Variants in MARCO observed in about 807,000 individuals in gnomAD.
MARCO encodes the protein macrophage receptor with collagenous structure, also known as macrophage receptor MARCO.
A neutral mutation model predicts 70.0 loss-of-function variants in MARCO; 72 were observed. That is an observed-to-expected ratio of 1.03 (90% CI 0.85 to 1.25). The LOEUF (loss-of-function observed/expected upper bound fraction) is 1.25. MARCO is among the 50% of genes most tolerant of loss of function. The probability of loss-of-function intolerance (pLI) is 0.00; values close to 1 mark genes in which losing one functional copy is unlikely to be tolerated. For synonymous variants in MARCO, 273 were observed against 243.1 expected (o/e 1.12, Z -1.14); for missense variants, 696 against 659.3 (o/e 1.06, Z -0.61).
chr2:118,969,316 C>G, intron 2 of MARCO, 55 bp downstream of exon 2: 1 of 1,409,634 alleles, frequency 7.1e-7, no homozygotes, highest in South Asian at 1.2e-5. Context: ...GGTGACCCAG[C>G]TGGGCCCCTC....
In MARCO at chr2:118,977,460, C is replaced by T. The variant is rs750160664; in HGVS notation, c.614-11C>T. 6 of 1,611,672 alleles carry T rather than the reference C, an allele frequency of 3.7e-6. No homozygotes were observed. The African/African-American group carries it at 5.4e-5, about 14-fold the overall frequency. On this transcript the variant is annotated splice_polypyrimidine_tract_variant and intron_variant, in intron 6 of 16. Coordinates refer to ENST00000327097, the MANE Select transcript of MARCO (RefSeq NM_006770.4). ...GCCACAGCAACTGAGCTCTTTTTTC[C>T]TTCCTCACAGGCCTCCAAGGACCCC...
rs78053570 is a variant in MARCO, at chr2:118,945,203, C to T, written c.97+2806C>T. Among the ~76,000 whole-genome samples the T allele has an allele frequency of 9.4e-3, 1,436 of 152,090 alleles. 20 individuals carry two copies. The highest frequency in any genetic ancestry group is 0.033 in the African/African-American group (1,377 of 41,494). ...CAACAATGGAACATTTGGGCTTGAA[C>T]GAGAGGATTTACCTGTTGGCAATAT... On this transcript the variant is annotated intron_variant, in intron 1 of 16. Coordinates refer to ENST00000327097, the MANE Select transcript of MARCO (RefSeq NM_006770.4).
chr2:118,945,690 G>A (rs143391525), intron 1 of MARCO, among the ~76,000 whole-genome samples: 4 of 152,080 alleles, frequency 2.6e-5, no homozygotes, highest in African/African-American at 9.7e-5. Flanking sequence ...TGGAATTACA[G>A]GCATGAGCCA....
In MARCO at chr2:118,990,275, A is replaced by T. The variant is rs150080989; in HGVS notation, c.1064-314A>T. Among the ~76,000 whole-genome samples, 54 of 152,324 alleles carry T rather than the reference A, an allele frequency of 3.5e-4. No homozygotes were observed. In the East Asian group the frequency reaches 5.6e-3, roughly 16 times the overall value. On this transcript the variant is annotated intron_variant, in intron 12 of 16. Transcript: ENST00000327097. ...TCTCTTCCAATATAAATGCAACAGC[A>T]GGGAATGGGATTGGATTTAGATGCC...
In MARCO at chr2:118,969,249, C is replaced by A; in HGVS notation, c.187C>A (p.Leu63Met). The change falls in exon 2 of 17, where the codon CTG (leucine) becomes ATG (methionine). Residue 63 changes from leucine to methionine, a missense_variant. Physicochemically the swap from Leu to Met is conservative, Grantham distance 15. Around this residue, in one of 3 missense-constraint regions of MARCO, gnomAD observed 605 missense variants for 537.6 expected, o/e 1.13. Transcript: ENST00000327097. ...LILLTAGAGLLVVQVLNLQAR... is the reference protein window; with the variant it reads ...LILLTAGAGLMVVQVLNLQAR... ...CCTGCTCACCGCTGGCGCTGGGCTG[C>A]TGGTGGTCCAAGGTAAAGCAGGCTT... The A allele has an allele frequency of 6.2e-7, 1 of 1,613,984 alleles. No individual in the cohort carries two copies. Among genetic ancestry groups the A allele is most frequent in the Non-Finnish European group, 8.5e-7 (1 of 1,179,844 alleles).
At chr2:118,974,893 C>A (rs752264275) in intron 6 of MARCO, among the ~76,000 whole-genome samples, 9 of 152,154 alleles carry the variant, frequency 5.9e-5, no homozygotes, top group African/African-American at 2.2e-4. Context: ...CCTCCTTGGT[C>A]CAACAAGGAC....
chr2:118,972,811 T>C (rs527665654), intron 4 of MARCO, among the ~76,000 whole-genome samples: 8 of 152,230 alleles, frequency 5.3e-5, no homozygotes, highest in Non-Finnish European at 8.8e-5. Flanking sequence ...TCAATTGCTT[T>C]TGCTGACAGA....
At chr2:118,994,305 G>A in intron 16 of MARCO, 82 bp from the exon 17 acceptor site, 1 of 1,512,110 alleles carries the variant, frequency 6.6e-7, no homozygotes, top group Admixed American at 1.7e-5. Flanking sequence ...TCAGATGGAA[G>A]CTCCCAGGCG....
intron 15 of MARCO, 84 bp downstream of exon 15, chr2:118,992,560 T>C (rs1187196730): frequency 8.4e-7 from 1 of 1,193,306 alleles, no homozygotes; most frequent in African/African-American, 1.5e-5. Flanking sequence ...GGAAGAGACC[T>C]TGGTTCTCAA....
rs115023650 is a variant in MARCO at position 118,989,355 on chromosome 2, T to C, written c.1064-1234T>C. 5.9e-3 allele frequency among the ~76,000 whole-genome samples: 906 copies of C among 152,274 alleles called. 11 individuals carry two copies. The highest frequency in any genetic ancestry group is 0.021 in the African/African-American group (867 of 41,534). On this transcript the variant is annotated intron_variant, in intron 12 of 16. Coordinates refer to ENST00000327097, the MANE Select transcript of MARCO (RefSeq NM_006770.4). ...CCTATCCCAACCTCAGTTCTGTCCC[T>C]TTCCCTAACACGAGGAACAGAAGTA...
Position 118,970,208 on chromosome 2 carries a change from G to A in MARCO, c.294G>A (p.Gln98=). 6.2e-7 allele frequency: 1 copy of A among 1,614,106 alleles called. No individual in the cohort carries two copies. The highest frequency in any genetic ancestry group is 8.5e-7 in the Non-Finnish European group (1 of 1,180,020). The change falls in exon 3 of 17, where the codon CAG becomes CAA. Residue 98 remains glutamine (Q), a synonymous_variant. Coordinates refer to ENST00000327097, the MANE Select transcript of MARCO (RefSeq NM_006770.4). ...AEDSPSFSLL[Q]SAHPGEHLAQ... ...ACAGCCCGTCCTTCTCCTTGCTGCA[G>A]TCAGCACACCCTGGAGAACACCTGG...
chr2:118,993,419 A>G (rs1188608484), intron 16 of MARCO, 119 bp downstream of exon 16: 2 of 1,002,600 alleles, frequency 2.0e-6, no homozygotes, highest in Admixed American at 2.4e-5. Context: ...ATATTGGTCC[A>G]AGCAACCAAA....
intron 1 of MARCO, among the ~76,000 whole-genome samples, chr2:118,947,437 A>C: frequency 6.6e-6 from 1 of 152,168 alleles, no homozygotes; most frequent in East Asian, 1.9e-4. Flanking sequence ...CAGCCTCCCA[A>C]GTAGCTGGGA....
intron 2 of MARCO, 44 bp from the exon 3 acceptor site, chr2:118,970,070 C>A: frequency 6.6e-7 from 1 of 1,510,006 alleles, no homozygotes; most frequent in South Asian, 1.1e-5. Flanking sequence ...GGGATATGCT[C>A]AAATGCCTCA....
In MARCO at chr2:118,991,850, C is replaced by T. The variant is rs2104614167; in HGVS notation, c.1182C>T (p.Gly394=). Residue 394 remains glycine, a synonymous_variant, in exon 14 of 17, where the codon GGC becomes GGT. Coordinates refer to ENST00000327097, the MANE Select transcript of MARCO (RefSeq NM_006770.4). ...CCAAGGGAGCCCCTGGACAAGCTGG[C>T]CAGAAGGGAGACCAGGGAGTGAAAG... is the stretch of plus-strand genomic sequence containing the variant. ...AGPKGAPGQA[G]QKGDQGVKGS... 2.5e-6 allele frequency: 4 copies of T among 1,599,570 alleles called. No individual in the cohort carries two copies. In the East Asian group the frequency reaches 9.0e-5, roughly 36 times the overall value.
At chr2:118,981,013 G>A (rs747979635) in intron 8 of MARCO, among the ~76,000 whole-genome samples, 1 of 152,190 alleles carries the variant, frequency 6.6e-6, no homozygotes, top group Non-Finnish European at 1.5e-5. Flanking sequence ...ATGCCTCAGA[G>A]TTGCTATTCT....
At position 118,994,049 on chromosome 2, in the gene MARCO, G is replaced by A. The variant is rs141406370; in HGVS notation, c.1430-338G>A. 9.2e-5 allele frequency among the ~76,000 whole-genome samples: 14 copies of A among 152,322 alleles called. 1 individual carries two copies. In the East Asian group the frequency reaches 2.7e-3, roughly 29 times the overall value. ...ACAGAGGCATGTGAGGCAGGTGGAC[G>A]CAGCAGGAGTGAATTTGCAGGGAGG... On this transcript the variant is annotated intron_variant, in intron 16 of 16. Coordinates refer to ENST00000327097, the MANE Select transcript of MARCO (RefSeq NM_006770.4).
intron 12 of MARCO, among the ~76,000 whole-genome samples, chr2:118,985,699 T>C (rs1680471753): frequency 6.6e-6 from 1 of 152,236 alleles, no homozygotes; most frequent in Admixed American, 6.5e-5. Context: ...TGAAATAATA[T>C]TTATTTAGAA....
In MARCO at chr2:118,986,713, GAAAGAAAGA is replaced by G. The variant is rs1280191982; in HGVS notation, c.1064-3864_1064-3856del. ...AGAAAGAAAGAAAGAAAGAAAGAAA[GAAAGAAAGA>G]AAAGAAAGAAAGAAAGAGAAAGAAA... On this transcript the variant is annotated intron_variant, in intron 12 of 16. Coordinates refer to ENST00000327097, the MANE Select transcript of MARCO (RefSeq NM_006770.4). Among the ~76,000 whole-genome samples, 340 of 99,830 alleles carry G rather than the reference GAAAGAAAGA, an allele frequency of 3.4e-3. 49 individuals are homozygous for G. The highest frequency in any genetic ancestry group is 0.015 in the African/African-American group (315 of 20,622). 65.5% of individuals were successfully genotyped at this position (99,830 alleles called of 152,430 possible).
Sources: gnomAD v4.1 joint callset for allele counts (sites outside exome capture counted in the v4.1 genomes callset) on GRCh38, gnomAD v4.1.1 for gene constraint, gnomAD v4.1.1 regional missense constraint, MANE v1.5 for transcripts, NCBI Gene and HGNC (gene_info 2026-07-23, HGNC 2026-07-21) for gene names.